Variants in PTPRD observed in about 807,000 individuals in gnomAD.
PTPRD encodes receptor-type tyrosine-protein phosphatase delta.
Under a neutral mutation model 214.5 loss-of-function variants are expected in PTPRD, and 34 were observed. The observed-to-expected ratio is 0.16, with a 90% CI of 0.12 to 0.21. PTPRD has a LOEUF of 0.21. Among genes scored for constraint, PTPRD ranks in the 10% least tolerant of loss-of-function variants. The pLI, the probability that PTPRD is intolerant of heterozygous loss-of-function variation, is 1.00. For synonymous variants in PTPRD, 1,128 were observed against 845.7 expected (o/e 1.33, Z -5.79); for missense variants, 2,545 against 2,398.7 (o/e 1.06, Z -1.27).
At chr9:9,965,910 G>A (rs1039988395) in intron 4 of PTPRD, among the ~76,000 whole-genome samples, 1 of 152,198 alleles carries the variant, frequency 6.6e-6, no homozygotes, top group Non-Finnish European at 1.5e-5. Flanking sequence ...TAGTGAGCAT[G>A]TTGTATGATT....
intron 5 of PTPRD, among the ~76,000 whole-genome samples, chr9:9,840,066 C>T (rs112499217): frequency 0.19 from 28,660 of 151,904 alleles, 3,625 homozygotes; most frequent in Middle Eastern, 0.31. Flanking sequence ...GAGACAGAGT[C>T]TCGCTCTGTC....
At chr9:9,547,637 T>A (rs995662621) in intron 8 of PTPRD, among the ~76,000 whole-genome samples, 1 of 152,124 alleles carries the variant, frequency 6.6e-6, no homozygotes, top group African/African-American at 2.4e-5. Context: ...ATAGGATATC[T>A]GTATGACAAG....
intron 2 of PTPRD, among the ~76,000 whole-genome samples, chr9:10,537,887 A>G (rs755619012): frequency 5.3e-5 from 8 of 152,124 alleles, no homozygotes; most frequent in Non-Finnish European, 1.2e-4. Context: ...GTAACCAGGA[A>G]GCATGTTAAG....
chr9:10,180,645 G>A (rs2099277083), intron 3 of PTPRD, among the ~76,000 whole-genome samples: 1 of 143,878 alleles, frequency 7.0e-6, no homozygotes, highest in Admixed American at 6.9e-5. Context: ...TTTACTTTAT[G>A]AACTATACTT....
At chr9:8,845,258 G>C (rs997987627) in intron 11 of PTPRD, among the ~76,000 whole-genome samples, 1 of 151,970 alleles carries the variant, frequency 6.6e-6, no homozygotes. Context: ...TTTTGAAAAA[G>C]TTTGCAAGGC....
chr9:9,954,908 G>A (rs1001846031), intron 4 of PTPRD, among the ~76,000 whole-genome samples: 1 of 151,976 alleles, frequency 6.6e-6, no homozygotes, highest in Non-Finnish European at 1.5e-5. Flanking sequence ...CGAGATTCAC[G>A]AACAAACAAA....
chr9:8,876,697 G>A (rs888528079), intron 11 of PTPRD, among the ~76,000 whole-genome samples: 11 of 152,122 alleles, frequency 7.2e-5, no homozygotes, highest in Non-Finnish European at 1.5e-4. Flanking sequence ...AACATTTAAT[G>A]TTCTTTATGA....
intron 4 of PTPRD, among the ~76,000 whole-genome samples, chr9:9,978,082 C>T (rs1244283217): frequency 7.0e-6 from 1 of 142,870 alleles, no homozygotes; most frequent in African/African-American, 2.6e-5. Context: ...GTAGAGCAAC[C>T]ACTTAGCCAA....
intron 5 of PTPRD, among the ~76,000 whole-genome samples, chr9:9,791,056 A>G (rs1370630827): frequency 6.6e-6 from 1 of 152,192 alleles, no homozygotes; most frequent in Non-Finnish European, 1.5e-5. Context: ...AGAATGCATT[A>G]AAGGATTTTC....
chr9:9,319,059 G>A (rs1965021244), intron 9 of PTPRD, among the ~76,000 whole-genome samples: 1 of 152,212 alleles, frequency 6.6e-6, no homozygotes, highest in South Asian at 2.1e-4. Context: ...TTCCTGAACA[G>A]GCTGCAATAG....
chr9:9,218,801 C>T (rs2099953973), intron 9 of PTPRD, among the ~76,000 whole-genome samples: 1 of 152,068 alleles, frequency 6.6e-6, no homozygotes, highest in South Asian at 2.1e-4. Flanking sequence ...AATGCCCGGC[C>T]CTCACAGCTG....
chr9:9,717,500 T>C (rs541202506), intron 7 of PTPRD, among the ~76,000 whole-genome samples: 2 of 152,222 alleles, frequency 1.3e-5, no homozygotes, highest in African/African-American at 2.4e-5. Context: ...CATCTTTCAA[T>C]GTAAGCATAT....
At chr9:9,240,366 T>C (rs536577502) in intron 9 of PTPRD, among the ~76,000 whole-genome samples, 61 of 152,258 alleles carry the variant, frequency 4.0e-4, no homozygotes, top group African/African-American at 1.4e-3. Context: ...TTTAAGTCTG[T>C]AAACAAACAT....
chr9:8,400,081 A>T (rs2129998855), intron 36 of PTPRD, among the ~76,000 whole-genome samples: 1 of 152,242 alleles, frequency 6.6e-6, no homozygotes, highest in Non-Finnish European at 1.5e-5. Flanking sequence ...TTATATTTAG[A>T]CTTGGCTAAC....
intron 7 of PTPRD, among the ~76,000 whole-genome samples, chr9:9,617,946 C>G (rs2094986013): frequency 6.6e-6 from 1 of 151,186 alleles, no homozygotes. Context: ...GTGGCGGGCG[C>G]CTGCGGTCCC....
intron 11 of PTPRD, among the ~76,000 whole-genome samples, chr9:8,930,979 G>A (rs1241291950): frequency 2.0e-5 from 3 of 152,090 alleles, no homozygotes; most frequent in Non-Finnish European, 1.5e-5. Flanking sequence ...GATCCCATTT[G>A]TCAATTTTGG....
chr9:10,012,595 A>G (rs539049130), intron 4 of PTPRD, among the ~76,000 whole-genome samples: 90 of 152,088 alleles, frequency 5.9e-4, no homozygotes, highest in African/African-American at 2.1e-3. Flanking sequence ...CAAGAATGCT[A>G]TAGGAAAATG....
intron 3 of PTPRD, among the ~76,000 whole-genome samples, chr9:10,047,312 C>CTGTGTGTGTG (rs56257525): frequency 2.1e-3 from 294 of 138,806 alleles, no homozygotes; most frequent in African/African-American, 7.1e-3. Flanking sequence ...AATCAACTAA[C>CTGTGTGTGTG]TGTGTGTGTG....
rs141731832 is a variant in PTPRD at position 8,315,215 on chromosome 9, G to C, written c.*2659C>G. ...AATGACAGTAAGGGAGTTAGTTCTAGGAACAGCTCCTGAACAGTAAGATTC... is the reference window on the plus strand; with the variant it reads ...AATGACAGTAAGGGAGTTAGTTCTACGAACAGCTCCTGAACAGTAAGATTC... On this transcript the variant is annotated 3_prime_UTR_variant, in exon 46 of 46. Coordinates refer to ENST00000381196, the MANE Select transcript of PTPRD (RefSeq NM_002839.4). 604 of 232,700 alleles carry C rather than the reference G, an allele frequency of 2.6e-3. 3 individuals are homozygous for C. The highest frequency in any genetic ancestry group is 0.012 in the African/African-American group (547 of 45,374). 14.4% of individuals were successfully genotyped at this position (232,700 alleles called of 1,614,324 possible). A position where few individuals can be genotyped will look rare whatever the true frequency, so the allele number is the denominator to read the frequency against.
Sources: allele counts gnomAD v4.1 joint callset (sites outside exome capture counted in the v4.1 genomes callset), GRCh38; gene constraint gnomAD v4.1.1; transcripts MANE v1.5; gene names NCBI Gene and HGNC (gene_info 2026-07-23, HGNC 2026-07-21).